The following ABCA3 variants were observed in gnomAD, a reference collection of about 807,000 sequenced individuals.
ABCA3 encodes phospholipid-transporting ATPase ABCA3.
In ABCA3, 88 loss-of-function variants were observed where a neutral mutation model predicts 172.8. The ratio of observed to expected loss-of-function variants is 0.51; its 90% CI spans 0.43 to 0.61. ABCA3 has a LOEUF of 0.61. ABCA3 is among the 20% of genes least tolerant of loss of function. The probability of loss-of-function intolerance (pLI) is 0.00; values close to 1 mark genes in which losing one functional copy is unlikely to be tolerated. For synonymous variants in ABCA3, 1,066 were observed against 983.8 expected (o/e 1.08, Z -1.56); for missense variants, 2,164 against 2,301.0 (o/e 0.94, Z 1.22).
At position 2,279,221 on chromosome 16, in the gene ABCA3, C is replaced by T. The variant is rs2093651457; in HGVS notation, c.4360-91G>A. The T allele has an allele frequency of 1.4e-6, 2 of 1,445,680 alleles. No homozygotes were observed. The highest frequency in any genetic ancestry group is 1.4e-5 in the African/African-American group (1 of 71,430). The allele number at this position is 1,445,680 out of a possible 1,614,324, so 89.6% of individuals were successfully genotyped here. ...ACGGGGACTACCCTTGAGGTGCCCA[C>T]CACTGCGCCTGTCTGTGGTTCCTGC... On this transcript the variant is annotated intron_variant, in intron 28 of 32. Transcript: ENST00000301732. This position sits in a 1 kb window ranked among gnomAD's most constrained non-coding sequence, Gnocchi z 4.4.
chr16:2,286,702 C>T lies in ABCA3; in HGVS notation c.3270G>A (p.Gln1090=), dbSNP rs747049099. The T allele has an allele frequency of 3.1e-6, 5 of 1,613,368 alleles. No individual in the cohort carries two copies. In the South Asian group the frequency reaches 4.4e-5, roughly 14 times the overall value. ...ACGGGCAGTGCACATACTCGTTAAA[C>T]TGGTCCTTGGCAGCCTGCAGGGCGC... ...PRSALQAAKD[Q]FNEGRKGFDI... is the part of the protein sequence containing the mutation. The change falls in exon 22 of 33, where the codon CAG becomes CAA. Residue 1090 remains glutamine, a synonymous_variant. Coordinates refer to ENST00000301732, the MANE Select transcript of ABCA3 (RefSeq NM_001089.3). The surrounding 1 kb of genome is among the most constrained non-coding windows in gnomAD (Gnocchi z 5.2).
rs1294337611 is a variant in ABCA3, at chr16:2,289,489, T to C, written c.2645A>G (p.Asp882Gly). The change falls in exon 20 of 33, where the codon GAC becomes GGC. Residue 882 changes from aspartate to glycine, a missense_variant. Around this residue, in one of 3 missense-constraint regions of ABCA3, gnomAD observed 1,343 missense variants for 1,369.6 expected, o/e 0.98. Transcript: ENST00000301732. ...SNLCGAMDPS[D>G]GIGALIEEER... ...CTCCTCGATGAGGGCTCCAATGCCG[T>C]CGGAGGGGTCCATGGCCCCACAGAG... is the stretch of plus-strand genomic sequence containing the variant. The C allele has an allele frequency of 3.8e-6, 6 of 1,593,240 alleles. No homozygotes were observed. Among genetic ancestry groups the C allele is most frequent in the Non-Finnish European group, 5.1e-6 (6 of 1,171,500 alleles).
At chr16:2,320,377 C>T (rs562944122) in intron 7 of ABCA3, among the ~76,000 whole-genome samples, 5 of 148,800 alleles carry the variant, frequency 3.4e-5, no homozygotes, top group African/African-American at 9.9e-5. Flanking sequence ...GGATTACAGG[C>T]GTGAGCCACT....
At chr16:2,320,890 A>G (rs2093724975) in intron 7 of ABCA3, among the ~76,000 whole-genome samples, 1 of 152,026 alleles carries the variant, frequency 6.6e-6, no homozygotes, top group Non-Finnish European at 1.5e-5. Flanking sequence ...GCTGAGGACT[A>G]ACCGACTATT....
At position 2,277,687 on chromosome 16, in the gene ABCA3, C is replaced by T. The variant is rs368249284; in HGVS notation, c.4910-17G>A. On this transcript the variant is annotated splice_polypyrimidine_tract_variant and intron_variant, in intron 31 of 32. Coordinates refer to ENST00000301732, the MANE Select transcript of ABCA3 (RefSeq NM_001089.3). The surrounding 1 kb of genome is among the most constrained non-coding windows in gnomAD (Gnocchi z 5.3). ...GGACGCTGCCTGCACAAAGGAGAGACGGTGTTGCTGTGAGCGCCGGGCTGG... is the reference window on the plus strand; with the variant it reads ...GGACGCTGCCTGCACAAAGGAGAGATGGTGTTGCTGTGAGCGCCGGGCTGG... 2.5e-5 allele frequency: 41 copies of T among 1,612,948 alleles called. No individual in the cohort carries two copies. Among genetic ancestry groups the T allele is most frequent in the African/African-American group, 1.5e-4 (11 of 74,934 alleles).
rs1435610870 is a variant in ABCA3 at position 2,278,539 on chromosome 16, C to G, written c.4548-81G>C. On this transcript the variant is annotated intron_variant, in intron 29 of 32. Transcript: ENST00000301732. This position sits in a 1 kb window ranked among gnomAD's most constrained non-coding sequence, Gnocchi z 4.4. ...CCATGTCCCAGTGGAGGCCCGTGTC[C>G]CAGCAGCGGCCCACACCCAGCAATT... 82 of 1,540,320 alleles carry G rather than the reference C, an allele frequency of 5.3e-5. No homozygotes were observed. The highest frequency in any genetic ancestry group is 6.9e-5 in the Non-Finnish European group (78 of 1,130,908).
chr16:2,277,490 G>A lies in ABCA3; in HGVS notation c.4983+107C>T. On this transcript the variant is annotated intron_variant, in intron 32 of 32. Coordinates refer to ENST00000301732, the MANE Select transcript of ABCA3 (RefSeq NM_001089.3). The surrounding 1 kb of genome is among the most constrained non-coding windows in gnomAD (Gnocchi z 5.3). ...CTGAGTGTTAGGGGAGAAATGGAAAGTGACTCCTCTGTGGAAAGAGCCTGC... is the reference window on the plus strand; with the variant it reads ...CTGAGTGTTAGGGGAGAAATGGAAAATGACTCCTCTGTGGAAAGAGCCTGC... 2 of 1,188,030 alleles carry A rather than the reference G, an allele frequency of 1.7e-6. No individual in the cohort carries two copies. Among genetic ancestry groups the A allele is most frequent in the Admixed American group, 1.9e-5 (1 of 51,398 alleles). 73.6% of individuals were successfully genotyped at this position (1,188,030 alleles called of 1,614,324 possible).
Position 2,285,065 on chromosome 16 carries a change from G to GT in ABCA3, c.3484-68dup, listed in dbSNP as rs1322138781. ...AGAGGAGCTCACGGGTAGGGAAGGG[G>GT]TGAGAGGAGCATTTGGAGGTCCTCA... On this transcript the variant is annotated intron_variant, in intron 23 of 32. Coordinates refer to ENST00000301732, the MANE Select transcript of ABCA3 (RefSeq NM_001089.3). This position sits in a 1 kb window ranked among gnomAD's most constrained non-coding sequence, Gnocchi z 4.7. 7.2e-6 allele frequency: 11 copies of GT among 1,535,164 alleles called. No homozygotes were observed. Among genetic ancestry groups the GT allele is most frequent in the Non-Finnish European group, 9.7e-6 (11 of 1,130,398 alleles).
chr16:2,307,597 T>A (rs184651079), intron 11 of ABCA3, among the ~76,000 whole-genome samples: 2 of 152,080 alleles, frequency 1.3e-5, no homozygotes, highest in East Asian at 3.9e-4. Context: ...GACTTTGAGA[T>A]CTCTGATGTA....
chr16:2,334,399 G>A (rs2093748438), intron 1 of ABCA3, among the ~76,000 whole-genome samples: 1 of 152,074 alleles, frequency 6.6e-6, no homozygotes, highest in Admixed American at 6.6e-5. Flanking sequence ...GAGGGTGACT[G>A]GTTTTGTTTA....
intron 8 of ABCA3, among the ~76,000 whole-genome samples, chr16:2,319,325 A>G (rs923162532): frequency 4.0e-5 from 6 of 151,006 alleles, no homozygotes; most frequent in Admixed American, 6.6e-5. Context: ...CTCTACTAAA[A>G]ATACAAAAAA....
intron 1 of ABCA3, among the ~76,000 whole-genome samples, chr16:2,336,653 T>C (rs1021673771): frequency 1.4e-5 from 2 of 146,594 alleles, no homozygotes; most frequent in Non-Finnish European, 1.5e-5. Flanking sequence ...TTGACCAGGC[T>C]GGTCTAGAAC....
chr16:2,340,030 T>C (rs2093758039), intron 1 of ABCA3, among the ~76,000 whole-genome samples: 1 of 152,208 alleles, frequency 6.6e-6, no homozygotes, highest in African/African-American at 2.4e-5. Flanking sequence ...CCGCGGACCG[T>C]GGGCCTTGGA....
intron 10 of ABCA3, among the ~76,000 whole-genome samples, chr16:2,311,215 G>C (rs1242772670): frequency 6.6e-6 from 1 of 151,842 alleles, no homozygotes; most frequent in Admixed American, 6.6e-5. Flanking sequence ...CTCGTGATCC[G>C]CCTGCCTCGG....
intron 1 of ABCA3, among the ~76,000 whole-genome samples, chr16:2,340,129 G>A (rs1344774385): frequency 6.6e-6 from 1 of 152,232 alleles, no homozygotes; most frequent in Non-Finnish European, 1.5e-5. Context: ...CGGCATCCCT[G>A]CGGCCGGAAA....
At chr16:2,320,342 C>G (rs2093724070) in intron 7 of ABCA3, among the ~76,000 whole-genome samples, 1 of 150,714 alleles carries the variant, frequency 6.6e-6, no homozygotes, top group Non-Finnish European at 1.5e-5. Flanking sequence ...TCATGATCCA[C>G]CCACCTTGGC....
chr16:2,316,355 A>T (rs1385802663), intron 10 of ABCA3, among the ~76,000 whole-genome samples: 2 of 148,416 alleles, frequency 1.3e-5, no homozygotes, highest in African/African-American at 2.5e-5. Flanking sequence ...AAAAGAAAAA[A>T]AAAAAAAGGC....
intron 19 of ABCA3, among the ~76,000 whole-genome samples, chr16:2,290,793 T>C (rs990693875): frequency 3.3e-5 from 5 of 152,184 alleles, no homozygotes; most frequent in African/African-American, 9.7e-5. Context: ...TGCACCACCA[T>C]GTCCTGCATG....
chr16:2,319,554 T>C (rs1596861750), intron 8 of ABCA3, 27 bp downstream of exon 8: 1 of 1,604,084 alleles, frequency 6.2e-7, no homozygotes, highest in Admixed American at 1.7e-5. Context: ...GTTTCTAGAG[T>C]GTTGGGGAGC....
Sources: allele counts gnomAD v4.1 joint callset (sites outside exome capture counted in the v4.1 genomes callset), GRCh38; gene constraint gnomAD v4.1.1; regional missense constraint gnomAD v4.1.1; non-coding constraint Gnocchi (gnomAD v3.1); transcripts MANE v1.5; gene names NCBI Gene and HGNC (gene_info 2026-07-23, HGNC 2026-07-21).